PTPRS: variants seen among roughly 807,000 people sequenced by gnomAD.
PTPRS encodes the protein protein tyrosine phosphatase receptor type S.
In PTPRS, 63 loss-of-function variants were observed where a neutral mutation model predicts 215.3. That is an observed-to-expected ratio of 0.29 (90% CI 0.24 to 0.36). The LOEUF is 0.36. Among genes scored for constraint, PTPRS ranks in the 10% least tolerant of loss-of-function variants. The pLI, the probability that PTPRS is intolerant of heterozygous loss-of-function variation, is 1.00. For synonymous variants in PTPRS, 1,404 were observed against 1,191.4 expected, an observed-to-expected ratio of 1.18 and a Z score of -3.68; for missense variants, 2,258 against 2,825.8, an observed-to-expected ratio of 0.80 and a Z score of 4.56.
At chr19:5,269,075 G>A (rs966459421) in intron 4 of PTPRS, among the ~76,000 whole-genome samples, 1 of 152,166 alleles carries the variant, frequency 6.6e-6, no homozygotes, top group African/African-American at 2.4e-5. Context: ...CCACAGCTGG[G>A]TCTGTCGGCA....
chr19:5,273,679 G>T, intron 3 of PTPRS, 96 bp from the exon 4 acceptor site: 3 of 1,438,506 alleles, frequency 2.1e-6, no homozygotes, highest in South Asian at 2.5e-5. Context: ...GGGAATGGCA[G>T]TCAGCCCCAT....
At chr19:5,247,877 C>T (rs2146032885) in intron 9 of PTPRS, among the ~76,000 whole-genome samples, 1 of 151,938 alleles carries the variant, frequency 6.6e-6, no homozygotes, top group South Asian at 2.1e-4. Context: ...CGGAAGCTGG[C>T]AGCCCTTCGG....
rs894849609 is a variant in PTPRS, at chr19:5,208,526, G to C, written c.5488-135C>G. 1.4e-5 allele frequency: 13 copies of C among 922,714 alleles called. No homozygotes were observed. In the African/African-American group the frequency reaches 1.9e-4, roughly 13 times the overall value. The allele number at this position is 922,714 out of a possible 1,614,324, so 57.2% of individuals were successfully genotyped here. ...GATGGAGTTTCACTCTTGTCGCCCA[G>C]GTTGGAGTGCAATGGCGTGATCTCG... On this transcript the variant is annotated intron_variant, in intron 35 of 37. Coordinates refer to ENST00000262963, the MANE Select transcript of PTPRS (RefSeq NM_002850.4).
Position 5,221,066 on chromosome 19 carries a change from G to C in PTPRS, c.3389C>G (p.Pro1130Arg). The C allele has an allele frequency of 6.2e-7, 1 of 1,613,924 alleles. No individual in the cohort carries two copies. Among genetic ancestry groups the C allele is most frequent in the Non-Finnish European group, 8.5e-7 (1 of 1,180,004 alleles). ...NLLNGKPSVA[P>R]KPDADGFIMV... ...GATGAAGCCGTCAGCATCAGGCTTG[G>C]GGGCGACGCTGGGCTTGCCGTTGAG... is the stretch of plus-strand genomic sequence containing the variant. The change falls in exon 20 of 38, where the codon CCC becomes CGC. Residue 1130 changes from proline to arginine, a missense_variant. By Grantham distance (103) the Pro-to-Arg change is moderately radical. Around this residue, in one of 6 missense-constraint regions of PTPRS, gnomAD observed 927 missense variants for 1,125.9 expected, o/e 0.82. Transcript: ENST00000262963.
At chr19:5,238,812 C>T in intron 13 of PTPRS, 107 bp downstream of exon 13, 1 of 1,396,904 alleles carries the variant, frequency 7.2e-7, no homozygotes, top group Non-Finnish European at 9.3e-7. Flanking sequence ...CGGGAGGCGC[C>T]CCCCACCCAC....
chr19:5,333,887 TC>T (rs2050407416), intron 1 of PTPRS, among the ~76,000 whole-genome samples: 1 of 152,190 alleles, frequency 6.6e-6, no homozygotes, highest in Admixed American at 6.5e-5. Flanking sequence ...GCATGCATGC[TC>T]GCTCGCACAC....
At chr19:5,263,807 C>T (rs1174772524) in intron 5 of PTPRS, among the ~76,000 whole-genome samples, 1 of 152,196 alleles carries the variant, frequency 6.6e-6, no homozygotes, top group Non-Finnish European at 1.5e-5. Flanking sequence ...TGTGGGTGCA[C>T]GTGTGGCCGA....
At position 5,339,192 on chromosome 19, in the gene PTPRS, C is replaced by CG. The variant is rs529295254; in HGVS notation, c.-95+1471dup. Among the ~76,000 whole-genome samples, 18 of 150,264 alleles carry CG rather than the reference C, an allele frequency of 1.2e-4. No homozygotes were observed. Among genetic ancestry groups the CG allele is most frequent in the South Asian group, 8.5e-4 (4 of 4,732 alleles). On this transcript the variant is annotated intron_variant, in intron 1 of 37. Coordinates refer to ENST00000262963, the MANE Select transcript of PTPRS (RefSeq NM_002850.4). This position sits in a 1 kb window ranked among gnomAD's most constrained non-coding sequence, Gnocchi z 4.2. Reference sequence around the variant, plus strand: ...AGAAGGGGGCTCCCCTAGATTGTGACGGGGGGGGACAGGGGAATCCCAGCT... The same window carrying CG: ...AGAAGGGGGCTCCCCTAGATTGTGACGGGGGGGGGACAGGGGAATCCCAGCT...
At chr19:5,216,111 G>C (rs1470041429) in intron 26 of PTPRS, among the ~76,000 whole-genome samples, 1 of 152,176 alleles carries the variant, frequency 6.6e-6, no homozygotes, top group Non-Finnish European at 1.5e-5. Context: ...AGACTAGGGA[G>C]GGGAAACAGT....
rs377165729 is a variant in PTPRS, at chr19:5,231,290, G to C, written c.2155+20C>G. 2.5e-6 allele frequency: 4 copies of C among 1,583,956 alleles called. No individual in the cohort carries two copies. The African/African-American group carries it at 5.4e-5, about 21-fold the overall frequency. ...GGGCTGGGGCCTGCGGGGGGTCCCG[G>C]GCCTGGGGCAGGTACTTACCATCCT... On this transcript the variant is annotated intron_variant, in intron 14 of 37. Transcript: ENST00000262963.
At chr19:5,298,951 C>A (rs1158637782) in intron 1 of PTPRS, among the ~76,000 whole-genome samples, 1 of 152,188 alleles carries the variant, frequency 6.6e-6, no homozygotes, top group Admixed American at 6.5e-5. Context: ...TCTGGAAATA[C>A]TCTCACGTTT....
At chr19:5,270,550 T>A (rs1272797764) in intron 4 of PTPRS, among the ~76,000 whole-genome samples, 1 of 152,192 alleles carries the variant, frequency 6.6e-6, no homozygotes, top group Non-Finnish European at 1.5e-5. Context: ...GCTCAAGTGA[T>A]CCTCTTGACT....
chr19:5,243,861 C>T (rs1218308592), intron 11 of PTPRS, 40 bp downstream of exon 11: 5 of 1,431,716 alleles, frequency 3.5e-6, no homozygotes, highest in Non-Finnish European at 3.7e-6. Context: ...AACCAAGCCG[C>T]ACGGCCGGGG....
rs376231034 is a variant in PTPRS, at chr19:5,265,260, TG to T, written c.380-65del. ...AGCACTGCACAGCCACTCCTGAGCC[TG>T]GGGCTCAGGGACTGCCTGGCCACGG... On this transcript the variant is annotated intron_variant, in intron 4 of 37. Coordinates refer to ENST00000262963, the MANE Select transcript of PTPRS (RefSeq NM_002850.4). 105 of 1,462,904 alleles carry T rather than the reference TG, an allele frequency of 7.2e-5. 1 individual carries two copies. In the African/African-American group the frequency reaches 1.3e-3, roughly 18 times the overall value. 90.6% of individuals were successfully genotyped at this position (1,462,904 alleles called of 1,614,324 possible). A position where few individuals can be genotyped will look rare whatever the true frequency, so the allele number is the denominator to read the frequency against.
At chr19:5,238,808 G>A in intron 13 of PTPRS, 111 bp downstream of exon 13, 1 of 1,378,490 alleles carries the variant, frequency 7.3e-7, no homozygotes, top group Non-Finnish European at 9.4e-7. Context: ...AGGCCGGGAG[G>A]CGCCCCCCAC....
intron 9 of PTPRS, among the ~76,000 whole-genome samples, chr19:5,251,333 C>G (rs563803637): frequency 2.6e-5 from 4 of 152,120 alleles, no homozygotes; most frequent in Admixed American, 2.0e-4. Context: ...GTGCAAGGCC[C>G]GGAGGGACCT....
At chr19:5,254,344 C>T (rs2045387071) in intron 9 of PTPRS, among the ~76,000 whole-genome samples, 1 of 152,042 alleles carries the variant, frequency 6.6e-6, no homozygotes, top group Admixed American at 6.5e-5. Context: ...CAAAGTCTGG[C>T]TTCTGTCCTC....
At chr19:5,246,883 TTGAG>T (rs1019858354) in intron 9 of PTPRS, among the ~76,000 whole-genome samples, 36 of 139,102 alleles carry the variant, frequency 2.6e-4, no homozygotes, top group South Asian at 1.5e-3. Context: ...GCAAAATAGA[TTGAG>T]AGAGAGAGAG....
intron 1 of PTPRS, among the ~76,000 whole-genome samples, chr19:5,317,222 G>A (rs1333368149): frequency 6.6e-6 from 1 of 151,858 alleles, no homozygotes; most frequent in South Asian, 2.1e-4. Context: ...CTATAATCTC[G>A]GCACTTTGGG....
Sources: allele counts gnomAD v4.1 joint callset (sites outside exome capture counted in the v4.1 genomes callset), GRCh38; gene constraint gnomAD v4.1.1; regional missense constraint gnomAD v4.1.1; non-coding constraint Gnocchi (gnomAD v3.1); transcripts MANE v1.5; gene names NCBI Gene and HGNC (gene_info 2026-07-23, HGNC 2026-07-21).